The following GOLGA5 variants were observed in gnomAD, a reference collection of about 807,000 sequenced individuals.
GOLGA5 encodes the protein golgin A5.
GOLGA5 carries 50 observed loss-of-function variants against 93.5 expected under a neutral mutation model. That is an observed-to-expected ratio of 0.53 (90% CI 0.43 to 0.68). The LOEUF is 0.68. Ranked by LOEUF, GOLGA5 falls within the 30% of genes least tolerant of loss-of-function variation. The pLI is 0.00. For synonymous variants in GOLGA5, 312 were observed against 304.5 expected (o/e 1.02, Z -0.26); for missense variants, 760 against 856.4 (o/e 0.89, Z 1.40).
intron 12 of GOLGA5, 25 bp downstream of exon 12, chr14:92,837,474 A>C (rs769573491): frequency 3.1e-6 from 3 of 961,402 alleles, no homozygotes; most frequent in African/African-American, 3.4e-5. Context: ...TTGAAAAAAC[A>C]ATGATGCACT....
chr14:92,811,503 T>G (rs368617884), intron 5 of GOLGA5, 48 bp from the exon 6 acceptor site: 156 of 1,234,478 alleles, frequency 1.3e-4, no homozygotes, highest in Non-Finnish European at 3.2e-5. Flanking sequence ...TAAAATATGT[T>G]TCAAAGCTAA....
chr14:92,814,997 A>G (rs1885174427), intron 6 of GOLGA5, among the ~76,000 whole-genome samples: 1 of 152,218 alleles, frequency 6.6e-6, no homozygotes, highest in South Asian at 2.1e-4. Context: ...CCCACGGACC[A>G]TCATTTGTGA....
intron 12 of GOLGA5, 58 bp downstream of exon 12, chr14:92,837,507 TTTG>T: frequency 1.1e-4 from 84 of 770,694 alleles, no homozygotes; most frequent in Non-Finnish European, 1.7e-4. Flanking sequence ...AGTTTTTTTT[TTTG>T]TTTGTTTGTT....
intron 2 of GOLGA5, among the ~76,000 whole-genome samples, chr14:92,802,436 A>G (rs1884893903): frequency 6.6e-6 from 1 of 152,128 alleles, no homozygotes; most frequent in Non-Finnish European, 1.5e-5. Context: ...TTATCTGTGT[A>G]TAATGACAGT....
intron 3 of GOLGA5, among the ~76,000 whole-genome samples, chr14:92,808,269 A>C (rs556482424): frequency 2.6e-5 from 4 of 151,760 alleles, no homozygotes; most frequent in South Asian, 2.1e-4. Context: ...ACAACAACAA[A>C]AACAAAGTAC....
At position 92,833,201 on chromosome 14, in the gene GOLGA5, A is replaced by C. The variant is rs189806779; in HGVS notation, c.1799A>C (p.Gln600Pro). 6.2e-7 allele frequency: 1 copy of C among 1,613,736 alleles called. No individual in the cohort carries two copies. Among genetic ancestry groups the C allele is most frequent in the Admixed American group, 1.7e-5 (1 of 60,026 alleles). ...RLHQLTETLI[Q>P]KQTMLESLST... ...CATCAGCTAACAGAGACTCTCATCC[A>C]GAAACAGACCATGCTGGAGAGTCTC... Residue 600 changes from glutamine to proline, a missense_variant, in exon 10 of 13, where the codon CAG becomes CCG. Gln to Pro is a moderately conservative substitution (Grantham distance 76, BLOSUM62 -1). Coordinates refer to ENST00000163416, the MANE Select transcript of GOLGA5 (RefSeq NM_005113.4).
At position 92,797,695 on chromosome 14, in the gene GOLGA5, A is replaced by G; in HGVS notation, c.258A>G (p.Val86=). The change falls in exon 2 of 13, where the codon GTA becomes GTG. Residue 86 remains valine, a synonymous_variant. Transcript: ENST00000163416. ...TILAGTANVK[V]GSRTPVEASH... ...TAGCTGGCACTGCAAATGTGAAAGT[A>G]GGATCTCGGACACCAGTAGAGGCCT... The G allele has an allele frequency of 6.2e-7, 1 of 1,614,170 alleles. No individual in the cohort carries two copies. Among genetic ancestry groups the G allele is most frequent in the Non-Finnish European group, 8.5e-7 (1 of 1,179,986 alleles).
chr14:92,825,077 C>T (rs2140330137), intron 9 of GOLGA5, among the ~76,000 whole-genome samples: 1 of 151,940 alleles, frequency 6.6e-6, no homozygotes, highest in Middle Eastern at 3.4e-3. Flanking sequence ...AATAATGACA[C>T]TCATGTGCCT....
chr14:92,839,255 C>T, intron 12 of GOLGA5, 111 bp from the exon 13 acceptor site: 2 of 691,702 alleles, frequency 2.9e-6, no homozygotes, highest in South Asian at 3.3e-5. Context: ...TCATGTGTCC[C>T]ATAGGGGATA....
At chr14:92,836,039 T>C (rs1885634955) in intron 11 of GOLGA5, among the ~76,000 whole-genome samples, 1 of 152,032 alleles carries the variant, frequency 6.6e-6, no homozygotes, top group Admixed American at 6.5e-5. Flanking sequence ...GAATGTTTTA[T>C]CCCAGAATTT....
chr14:92,800,935 G>A (rs1595589666), intron 2 of GOLGA5, among the ~76,000 whole-genome samples: 1 of 152,152 alleles, frequency 6.6e-6, no homozygotes, highest in African/African-American at 2.4e-5. Flanking sequence ...GTTTCTCTTG[G>A]GTAGGACCTC....
At chr14:92,799,814 C>G (rs957358839) in intron 2 of GOLGA5, among the ~76,000 whole-genome samples, 1 of 150,366 alleles carries the variant, frequency 6.7e-6, no homozygotes, top group South Asian at 2.1e-4. Context: ...ATCACGTTGG[C>G]CAGGCTGGTC....
In GOLGA5 at chr14:92,824,463, T is replaced by C. The variant is rs1885374706; in HGVS notation, c.1621-83T>C. The C allele has an allele frequency of 1.4e-5, 10 of 693,096 alleles. No individual in the cohort carries two copies. The East Asian group carries it at 2.5e-4, about 18-fold the overall frequency. 42.9% of individuals were successfully genotyped at this position (693,096 alleles called of 1,614,324 possible). On this transcript the variant is annotated intron_variant, in intron 8 of 12. Transcript: ENST00000163416. ...TTCAGCACATACTGATTGTCTACCA[T>C]GTGCCAGGCACTGATTTAGGTACTG...
At chr14:92,824,933 A>G (rs1162032603) in intron 9 of GOLGA5, among the ~76,000 whole-genome samples, 1 of 152,224 alleles carries the variant, frequency 6.6e-6, no homozygotes, top group African/African-American at 2.4e-5. Context: ...GGTTGTGCTG[A>G]TTGCCAGGTT....
chr14:92,837,968 G>C (rs1885680919), intron 12 of GOLGA5, among the ~76,000 whole-genome samples: 1 of 152,110 alleles, frequency 6.6e-6, no homozygotes, highest in Admixed American at 6.5e-5. Context: ...TTCCTCAAAG[G>C]CTTTTCCTAC....
rs368970852 is a variant in GOLGA5 at position 92,797,687 on chromosome 14, G to A, written c.250G>A (p.Val84Met). 6 of 1,614,006 alleles carry A rather than the reference G, an allele frequency of 3.7e-6. No homozygotes were observed. In the African/African-American group the frequency reaches 4.0e-5, roughly 11 times the overall value. ...KATILAGTANVKVGSRTPVEA... is the reference protein window; with the variant it reads ...KATILAGTANMKVGSRTPVEA... ...CACCATCTTAGCTGGCACTGCAAAT[G>A]TGAAAGTAGGATCTCGGACACCAGT... Residue 84 changes from valine (V) to methionine (M), a missense_variant, in exon 2 of 13, where the codon GTG becomes ATG. Transcript: ENST00000163416.
intron 9 of GOLGA5, among the ~76,000 whole-genome samples, chr14:92,826,807 A>G (rs1885432835): frequency 6.6e-6 from 1 of 152,164 alleles, no homozygotes; most frequent in African/African-American, 2.4e-5. Context: ...TTGCAAAGTT[A>G]CCAAAAATTA....
Position 92,839,426 on chromosome 14 carries a change from G to T in GOLGA5, c.2176G>T (p.Asp726Tyr), listed in dbSNP as rs140039482. Residue 726 changes from aspartate (D) to tyrosine (Y), a missense_variant, in exon 13 of 13, where the codon GAC (aspartate) becomes TAC (tyrosine). Asp to Tyr is a radical substitution (Grantham distance 160, BLOSUM62 -3). Coordinates refer to ENST00000163416, the MANE Select transcript of GOLGA5 (RefSeq NM_005113.4). ...GACTTACACACCAGAAATGCACCACGACCAACCATATGGCAAATGAACCAA... is the reference window on the plus strand; with the variant it reads ...GACTTACACACCAGAAATGCACCACTACCAACCATATGGCAAATGAACCAA... The part of the protein sequence containing the change: ...LLTYTPEMHH[D>Y]QPYGK 1.9e-6 allele frequency: 3 copies of T among 1,608,970 alleles called. No homozygotes were observed. The highest frequency in any genetic ancestry group is 1.7e-5 in the Admixed American group (1 of 60,020).
chr14:92,824,668 G>A (rs1171355095), intron 9 of GOLGA5, 24 bp downstream of exon 9: 2 of 1,175,022 alleles, frequency 1.7e-6, no homozygotes. Flanking sequence ...TTCACAACTT[G>A]TGAAAAGATG....
Sources: allele counts gnomAD v4.1 joint callset (sites outside exome capture counted in the v4.1 genomes callset), GRCh38; gene constraint gnomAD v4.1.1; transcripts MANE v1.5; gene names NCBI Gene and HGNC (gene_info 2026-07-23, HGNC 2026-07-21).